Variants in EVC2 observed in about 807,000 individuals in gnomAD.
The protein encoded by EVC2 is EvC ciliary complex subunit 2.
EVC2 carries 148 observed loss-of-function variants against 149.3 expected under a neutral mutation model. The ratio of observed to expected loss-of-function variants is 0.99; its 90% CI spans 0.87 to 1.14. The LOEUF (loss-of-function observed/expected upper bound fraction) is 1.14. Among genes scored for constraint, EVC2 ranks in the 50% most tolerant of loss-of-function variants. The pLI is 0.00. For synonymous variants in EVC2, 776 were observed against 649.9 expected, an observed-to-expected ratio of 1.19 and a Z score of -2.95; for missense variants, 1,854 against 1,627.3, an observed-to-expected ratio of 1.14 and a Z score of -2.40.
At position 5,565,307 on chromosome 4, in the gene EVC2, T is replaced by A; in HGVS notation, c.3610A>T (p.Ile1204Leu). ...AGCATCTTTTCTAATCCTCTGCTTATCAGATCTCCTCGCAGTTTGCCATCT... is the reference window on the plus strand; with the variant it reads ...AGCATCTTTTCTAATCCTCTGCTTAACAGATCTCCTCGCAGTTTGCCATCT... ...ALDGKLRGDL[I>L]SRGLEKMLWA... The change falls in exon 21 of 22, where the codon ATA (isoleucine) becomes TTA (leucine). Residue 1204 changes from isoleucine to leucine, a missense_variant. Physicochemically the swap from Ile to Leu is conservative, Grantham distance 5 (BLOSUM62 2). Transcript: ENST00000344408. The A allele has an allele frequency of 1.2e-6, 2 of 1,614,150 alleles. No individual in the cohort carries two copies. The highest frequency in any genetic ancestry group is 2.7e-5 in the African/African-American group (2 of 75,038).
Position 5,562,563 on chromosome 4 carries a change from T to C in EVC2, c.*285A>G, listed in dbSNP as rs865831804. 2.8e-5 allele frequency: 37 copies of C among 1,311,656 alleles called. No individual in the cohort carries two copies. The highest frequency in any genetic ancestry group is 1.5e-4 in the African/African-American group (10 of 67,092). The allele number at this position is 1,311,656 out of a possible 1,614,324, so 81.3% of individuals were successfully genotyped here. A position where few individuals can be genotyped will look rare whatever the true frequency, so the allele number is the denominator to read the frequency against. ...AGACCATAGCTTCTGCAGCAGAGGA[T>C]GGGGTGTGGATTGCAGGGTGGGGGT... On this transcript the variant is annotated 3_prime_UTR_variant, in exon 22 of 22. Transcript: ENST00000344408. The surrounding 1 kb of genome is among the most constrained non-coding windows in gnomAD (Gnocchi z 4.3).
Position 5,562,753 on chromosome 4 carries a change from T to A in EVC2, c.*95A>T. 1 of 1,599,602 alleles carries A rather than the reference T, an allele frequency of 6.3e-7. No homozygotes were observed. The highest frequency in any genetic ancestry group is 8.5e-7 in the Non-Finnish European group (1 of 1,179,144). ...GTGCCTTCTGCATGTGCAATTTATA[T>A]TTGCGAGTTGTGCATTATAAACACA... On this transcript the variant is annotated 3_prime_UTR_variant, in exon 22 of 22. Coordinates refer to ENST00000344408, the MANE Select transcript of EVC2 (RefSeq NM_147127.5). This position sits in a 1 kb window ranked among gnomAD's most constrained non-coding sequence, Gnocchi z 4.3.
chr4:5,543,647 G>A (rs1721559571), intron 21 of EVC2, among the ~76,000 whole-genome samples: 1 of 152,176 alleles, frequency 6.6e-6, no homozygotes, highest in Admixed American at 6.5e-5. Flanking sequence ...TGTTCCAGAA[G>A]GAGTTCCACA....
downstream of EVC2, among the ~76,000 whole-genome samples, chr4:5,561,347 G>T (rs772700266): frequency 1.3e-5 from 2 of 152,174 alleles, no homozygotes; most frequent in Admixed American, 6.5e-5. Context: ...GCTGTCCTGT[G>T]TGTAAAAATC....
chr4:5,607,065 C>G (rs894410112), intron 16 of EVC2, among the ~76,000 whole-genome samples: 3 of 152,130 alleles, frequency 2.0e-5, no homozygotes, highest in African/African-American at 7.2e-5. Flanking sequence ...TCAAATCATT[C>G]ACAATTACAG....
intron 17 of EVC2, among the ~76,000 whole-genome samples, chr4:5,579,910 T>A (rs1711611062): frequency 6.6e-6 from 1 of 152,190 alleles, no homozygotes; most frequent in Non-Finnish European, 1.5e-5. Flanking sequence ...CAATTTAAAC[T>A]GAAATGCAAA....
At position 5,631,781 on chromosome 4, in the gene EVC2, C is replaced by G; in HGVS notation, c.1710+12G>C. 6.2e-7 allele frequency: 1 copy of G among 1,613,402 alleles called. No individual in the cohort carries two copies. Among genetic ancestry groups the G allele is most frequent in the South Asian group, 1.1e-5 (1 of 91,042 alleles). On this transcript the variant is annotated intron_variant, in intron 11 of 21. Coordinates refer to ENST00000344408, the MANE Select transcript of EVC2 (RefSeq NM_147127.5). Reference sequence around the variant, plus strand: ...AAATTACTTTTCCATCACAGCGAGGCTGATGTATTACCTGTATTTTAGAAT... The same window carrying G: ...AAATTACTTTTCCATCACAGCGAGGGTGATGTATTACCTGTATTTTAGAAT...
At chr4:5,605,194 G>C (rs1164872196) in intron 16 of EVC2, among the ~76,000 whole-genome samples, 1 of 152,138 alleles carries the variant, frequency 6.6e-6, no homozygotes, top group African/African-American at 2.4e-5. Context: ...GGCATATTTG[G>C]GGGGAGTCAG....
At chr4:5,691,664 T>C (rs749739336) in intron 3 of EVC2, among the ~76,000 whole-genome samples, 4 of 152,144 alleles carry the variant, frequency 2.6e-5, no homozygotes, top group South Asian at 2.1e-4. Context: ...TCATTTAACA[T>C]GTACCGTGTG....
At chr4:5,697,692 T>A (rs767783760) in intron 1 of EVC2, 45 bp from the exon 2 acceptor site, 2 of 1,529,446 alleles carry the variant, frequency 1.3e-6, no homozygotes, top group South Asian at 2.2e-5. Context: ...CACATACTTC[T>A]GAGAAGTGAT....
Position 5,584,628 on chromosome 4 carries a change from T to A in EVC2, c.3052A>T (p.Ser1018Cys). The change falls in exon 17 of 22, where the codon AGC (serine) becomes TGC (cysteine). Residue 1018 changes from serine (S) to cysteine (C), a missense_variant. Coordinates refer to ENST00000344408, the MANE Select transcript of EVC2 (RefSeq NM_147127.5). ...TTCCCAGCGCCTGCACTCACCCGGC[T>A]GTGCGACTCCAGGATCTGTGTGCAG... is the stretch of plus-strand genomic sequence containing the variant. ...SACTQILESH[S>C]RELQELERKL... The A allele has an allele frequency of 2.5e-6, 4 of 1,613,100 alleles. No homozygotes were observed. The highest frequency in any genetic ancestry group is 3.4e-6 in the Non-Finnish European group (4 of 1,179,620).
chr4:5,663,319 G>T, intron 8 of EVC2, 73 bp from the exon 9 acceptor site: 1 of 1,602,224 alleles, frequency 6.2e-7, no homozygotes, highest in South Asian at 1.1e-5. Flanking sequence ...AAGCCAGGAG[G>T]GAAGGCCAGG....
chr4:5,571,609 G>C (rs1262046027), intron 19 of EVC2, among the ~76,000 whole-genome samples: 1 of 152,144 alleles, frequency 6.6e-6, no homozygotes, highest in African/African-American at 2.4e-5. Context: ...AGCAAGAGGA[G>C]TAAGGACAAA....
intron 21 of EVC2, 42 bp downstream of exon 21, chr4:5,565,216 C>G (rs1231665062): frequency 6.2e-7 from 1 of 1,600,666 alleles, no homozygotes; most frequent in Non-Finnish European, 8.6e-7. Context: ...GGCAGCTTAG[C>G]TCACCCCCTC....
rs896445964 is a variant in EVC2 at position 5,633,716 on chromosome 4, C to G, written c.1471-1684G>C. ...GGGCTGAGTAGAAGCCCGAGGAAGG[C>G]AGAAGGGGCTCCGGTGCACAGGGCA... On this transcript the variant is annotated intron_variant, in intron 10 of 21. Transcript: ENST00000344408. The surrounding 1 kb of genome is among the most constrained non-coding windows in gnomAD (Gnocchi z 4.4). 6.6e-6 allele frequency among the ~76,000 whole-genome samples: 1 copy of G among 152,234 alleles called. No homozygotes were observed. Among genetic ancestry groups the G allele is most frequent in the African/African-American group, 2.4e-5 (1 of 41,464 alleles).
chr4:5,707,054 A>C (rs1275164843), intron 1 of EVC2, among the ~76,000 whole-genome samples: 1 of 152,098 alleles, frequency 6.6e-6, no homozygotes, highest in Non-Finnish European at 1.5e-5. Flanking sequence ...GCTTGTGCAA[A>C]GCAGGTGAGG....
intron 1 of EVC2, among the ~76,000 whole-genome samples, chr4:5,702,886 C>T (rs911436624): frequency 7.2e-5 from 11 of 152,162 alleles, no homozygotes; most frequent in Non-Finnish European, 1.6e-4. Context: ...GAATGTTATA[C>T]CTTCTTCATA....
intron 16 of EVC2, among the ~76,000 whole-genome samples, chr4:5,602,339 T>A: frequency 7.4e-6 from 1 of 135,844 alleles, no homozygotes; most frequent in Non-Finnish European, 1.6e-5. Flanking sequence ...ATTAAATTGA[T>A]GATAAATACA....
chr4:5,695,536 G>A (rs569357150), intron 2 of EVC2, among the ~76,000 whole-genome samples: 2 of 152,276 alleles, frequency 1.3e-5, no homozygotes, highest in East Asian at 3.9e-4. Flanking sequence ...GTGGGACCTT[G>A]CACAGGTCAG....
Sources: gnomAD v4.1 joint callset for allele counts (sites outside exome capture counted in the v4.1 genomes callset) on GRCh38, gnomAD v4.1.1 for gene constraint, Gnocchi (gnomAD v3.1) non-coding constraint, MANE v1.5 for transcripts, NCBI Gene and HGNC (gene_info 2026-07-23, HGNC 2026-07-21) for gene names.